Variants in TMCO4 observed in about 807,000 individuals in gnomAD.
TMCO4 encodes the protein transmembrane and coiled-coil domains 4.
A neutral mutation model predicts 64.7 loss-of-function variants in TMCO4; 58 were observed. The observed-to-expected ratio is 0.90, with a 90% confidence interval of 0.73 to 1.12. The LOEUF (loss-of-function observed/expected upper bound fraction) is 1.12, where lower values mean the gene tolerates loss of function less well. Among genes scored for constraint, TMCO4 ranks in the 50% most tolerant of loss-of-function variants. The pLI is 0.00. For synonymous variants in TMCO4, 325 were observed against 346.1 expected (o/e 0.94, Z 0.68); for missense variants, 780 against 825.9 (o/e 0.94, Z 0.68).
chr1:19,790,914 C>A (rs2043998780), intron 2 of TMCO4, among the ~76,000 whole-genome samples: 2 of 152,264 alleles, frequency 1.3e-5, no homozygotes, highest in South Asian at 4.1e-4. Flanking sequence ...AGCCCAAATG[C>A]CCATTGATGA....
chr1:19,699,486 C>CATATAT lies in TMCO4; in HGVS notation c.1382+1276_1382+1281dup, dbSNP rs10587817. On this transcript the variant is annotated intron_variant, in intron 14 of 15. Transcript: ENST00000294543. ...GTCCATTCCTTATCTTTTTCATATACATATATATATATATATATATATATA... is the reference window on the plus strand; with the variant it reads ...GTCCATTCCTTATCTTTTTCATATACATATATATATATATATATATATATATATATA... Among the ~76,000 whole-genome samples, 933 of 136,374 alleles carry CATATAT rather than the reference C, an allele frequency of 6.8e-3. 7 individuals carry two copies. Among genetic ancestry groups the CATATAT allele is most frequent in the East Asian group, 0.015 (72 of 4,774 alleles). The allele number at this position is 136,374 out of a possible 152,430, so 89.5% of individuals were successfully genotyped here. A position where few individuals can be genotyped will look rare whatever the true frequency, so the allele number is the denominator to read the frequency against.
intron 9 of TMCO4, among the ~76,000 whole-genome samples, chr1:19,745,859 G>T (rs1484442227): frequency 1.3e-5 from 2 of 152,164 alleles, no homozygotes; most frequent in African/African-American, 4.8e-5. Context: ...TCTGAGGCTG[G>T]CCAGCCCCCG....
At chr1:19,699,486 C>CATACATATATAT (rs1205975029) in intron 14 of TMCO4, among the ~76,000 whole-genome samples, 4 of 136,414 alleles carry the variant, frequency 2.9e-5, no homozygotes, top group African/African-American at 1.1e-4. Flanking sequence ...TTTTCATATA[C>CATACATATATAT]ATATATATAT....
intron 3 of TMCO4, among the ~76,000 whole-genome samples, chr1:19,783,875 G>T (rs2043604222): frequency 6.6e-6 from 1 of 152,208 alleles, no homozygotes; most frequent in South Asian, 2.1e-4. Flanking sequence ...CTCAATGGTT[G>T]CTCTAGGAAC....
At chr1:19,776,315 G>A (rs1409875654) in intron 4 of TMCO4, among the ~76,000 whole-genome samples, 1 of 152,192 alleles carries the variant, frequency 6.6e-6, no homozygotes, top group Non-Finnish European at 1.5e-5. Context: ...AACACTCCAC[G>A]GCAAATGCTT....
intron 13 of TMCO4, among the ~76,000 whole-genome samples, chr1:19,706,425 G>A (rs944400418): frequency 2.0e-5 from 3 of 152,164 alleles, no homozygotes; most frequent in East Asian, 1.9e-4. Flanking sequence ...TATTCCTACC[G>A]CTACCATCAG....
chr1:19,774,695 A>G (rs144644111), intron 4 of TMCO4, among the ~76,000 whole-genome samples: 95 of 152,352 alleles, frequency 6.2e-4, no homozygotes, highest in African/African-American at 1.2e-3. Context: ...CAACAATGAC[A>G]GCAGATAACA....
intron 6 of TMCO4, among the ~76,000 whole-genome samples, chr1:19,769,937 A>G (rs1326615004): frequency 1.7e-5 from 2 of 119,698 alleles, no homozygotes; most frequent in African/African-American, 6.1e-5. Context: ...GCCACAAAGC[A>G]CACGTGCTTA....
chr1:19,703,777 A>C lies in TMCO4; in HGVS notation c.1265-2892T>G, dbSNP rs543271595. The stretch of plus-strand genomic sequence containing the variant: ...TGGCCAGGCTGGTCTCAAACTCCCG[A>C]CCTCAGGTGATCCATCTGCCTCGGC... On this transcript the variant is annotated intron_variant, in intron 13 of 15. Coordinates refer to ENST00000294543, the MANE Select transcript of TMCO4 (RefSeq NM_181719.7). 2.6e-5 allele frequency among the ~76,000 whole-genome samples: 4 copies of C among 151,550 alleles called. No individual in the cohort carries two copies. In the South Asian group the frequency reaches 8.3e-4, roughly 32 times the overall value.
chr1:19,757,951 C>T (rs1295810276), intron 6 of TMCO4, among the ~76,000 whole-genome samples: 3 of 152,212 alleles, frequency 2.0e-5, no homozygotes, highest in Admixed American at 6.5e-5. Flanking sequence ...CCGCACTCAC[C>T]TTCCCTGTGT....
intron 4 of TMCO4, among the ~76,000 whole-genome samples, chr1:19,772,477 TTGAGC>T (rs1327104319): frequency 6.6e-6 from 1 of 151,958 alleles, no homozygotes; most frequent in Admixed American, 6.6e-5. Flanking sequence ...AAGGAAGCCT[TTGAGC>T]TGAGACACAG....
At chr1:19,754,672 T>C (rs2042164491) in intron 7 of TMCO4, among the ~76,000 whole-genome samples, 2 of 152,136 alleles carry the variant, frequency 1.3e-5, no homozygotes, top group South Asian at 4.1e-4. Context: ...TTAGATCCTG[T>C]GTAAAGCGTT....
chr1:19,716,085 G>A (rs988753228), intron 13 of TMCO4, among the ~76,000 whole-genome samples: 3 of 152,106 alleles, frequency 2.0e-5, no homozygotes, highest in Non-Finnish European at 2.9e-5. Context: ...GGGAGGCCGA[G>A]GCGGGAGGAT....
chr1:19,733,538 C>A (rs376094190), intron 13 of TMCO4, among the ~76,000 whole-genome samples: 223 of 152,324 alleles, frequency 1.5e-3, no homozygotes, highest in African/African-American at 4.9e-3. Flanking sequence ...CCCTGCCCAC[C>A]TTCACCCTGT....
chr1:19,789,736 C>T (rs79923920), intron 2 of TMCO4, among the ~76,000 whole-genome samples: 5,982 of 152,168 alleles, frequency 0.039, 396 homozygotes, highest in African/African-American at 0.14. Context: ...AAGTCCCATA[C>T]ATTTGACCAA....
intron 13 of TMCO4, among the ~76,000 whole-genome samples, chr1:19,736,606 C>T (rs1461378386): frequency 6.6e-6 from 1 of 152,190 alleles, no homozygotes; most frequent in Non-Finnish European, 1.5e-5. Flanking sequence ...CCAACCAGCC[C>T]CTCCACAGGC....
chr1:19,721,667 T>C (rs180943396), intron 13 of TMCO4, among the ~76,000 whole-genome samples: 60 of 152,158 alleles, frequency 3.9e-4, no homozygotes, highest in Admixed American at 3.6e-3. Flanking sequence ...CACATGCCTG[T>C]AGTCCCAGCT....
chr1:19,797,720 C>T (rs1431228056), intron 2 of TMCO4, among the ~76,000 whole-genome samples: 6 of 151,708 alleles, frequency 4.0e-5, no homozygotes, highest in African/African-American at 9.7e-5. Flanking sequence ...AAAAATCAGC[C>T]GGGCATGATG....
At chr1:19,794,057 C>T (rs540039204) in intron 2 of TMCO4, among the ~76,000 whole-genome samples, 4 of 152,124 alleles carry the variant, frequency 2.6e-5, no homozygotes, top group East Asian at 1.9e-4. Flanking sequence ...CCACCCCTGC[C>T]GCCTCTCCCA....
Sources: gnomAD v4.1 joint callset for allele counts (sites outside exome capture counted in the v4.1 genomes callset) on GRCh38, gnomAD v4.1.1 for gene constraint, MANE v1.5 for transcripts, NCBI Gene and HGNC (gene_info 2026-07-23, HGNC 2026-07-21) for gene names.